The following EEA1 variants were observed in gnomAD, a reference collection of about 807,000 sequenced individuals.
The protein encoded by EEA1 is early endosome antigen 1, 162kD.
Under a neutral mutation model 209.2 loss-of-function variants are expected in EEA1, and 111 were observed. That is an observed-to-expected ratio of 0.53 (90% CI 0.45 to 0.62). EEA1 has a LOEUF of 0.62. Among genes scored for constraint, EEA1 ranks in the 20% least tolerant of loss-of-function variants. The probability of loss-of-function intolerance (pLI) is 0.00; values close to 1 mark genes in which losing one functional copy is unlikely to be tolerated. For missense variants in EEA1, 1,343 were observed against 1,530.8 expected, an observed-to-expected ratio of 0.88 and a Z score of 2.05; for synonymous variants, 536 against 540.6, an observed-to-expected ratio of 0.99 and a Z score of 0.12.
rs565984336 is a variant in EEA1 at position 92,887,917 on chromosome 12, AG to A, written c.117+3711del. Among the ~76,000 whole-genome samples the A allele has an allele frequency of 5.9e-3, 893 of 152,244 alleles. 8 individuals carry two copies. The highest frequency in any genetic ancestry group is 0.021 in the African/African-American group (853 of 41,538). ...ACTTCAAATACACATTGGTGTGTAC[AG>A]AAAGCCCAATGAGTCTCAAGCAGGA... On this transcript the variant is annotated intron_variant, in intron 2 of 28. Transcript: ENST00000322349.
intron 2 of EEA1, 73 bp downstream of exon 2, chr12:92,891,556 C>A (rs1447366386): frequency 1.3e-5 from 15 of 1,171,786 alleles, no homozygotes; most frequent in Non-Finnish European, 1.8e-5. Flanking sequence ...ATACAAATCA[C>A]CAATCGTTAC....
chr12:92,928,885 C>T lies in EEA1; in HGVS notation c.24+158G>A, dbSNP rs866796950. The stretch of plus-strand genomic sequence containing the variant: ...CCGCCGCGCCGGCCCCACCCGCCCT[C>T]CCCGCCCCCGGGCCGGGCGACCGAG... On this transcript the variant is annotated intron_variant, in intron 1 of 28. Transcript: ENST00000322349. 2.8e-4 allele frequency among the ~76,000 whole-genome samples: 42 copies of T among 150,942 alleles called. 1 individual carries two copies. Among genetic ancestry groups the T allele is most frequent in the Middle Eastern group, 3.4e-3 (1 of 292 alleles).
At chr12:92,842,440 T>C in intron 10 of EEA1, 25 bp downstream of exon 10, 3 of 1,118,610 alleles carry the variant, frequency 2.7e-6, no homozygotes, top group Non-Finnish European at 4.0e-6. Context: ...CAATTTGCTA[T>C]TATATATAGC....
At chr12:92,924,389 A>G (rs1441354259) in intron 1 of EEA1, among the ~76,000 whole-genome samples, 1 of 151,852 alleles carries the variant, frequency 6.6e-6, no homozygotes, top group Non-Finnish European at 1.5e-5. Flanking sequence ...TTCTATTTTT[A>G]GTAGAGACGG....
At chr12:92,839,447 C>G (rs1877071093) in intron 10 of EEA1, among the ~76,000 whole-genome samples, 1 of 152,180 alleles carries the variant, frequency 6.6e-6, no homozygotes, top group East Asian at 1.9e-4. Flanking sequence ...AATATTCCTT[C>G]CTTTTCCAAC....
intron 5 of EEA1, among the ~76,000 whole-genome samples, chr12:92,855,578 G>C (rs902076413): frequency 4.6e-5 from 7 of 151,100 alleles, no homozygotes; most frequent in Non-Finnish European, 7.4e-5. Context: ...CATGTATTAG[G>C]AACAAAATAA....
In EEA1 at chr12:92,816,861, G is replaced by T. The variant is rs189429257; in HGVS notation, c.1729-461C>A. On this transcript the variant is annotated intron_variant, in intron 14 of 28. Coordinates refer to ENST00000322349, the MANE Select transcript of EEA1 (RefSeq NM_003566.4). ...TATTCTGGGCATTTCTGAATTGTCA[G>T]ATACACATACTGCAAATGTTTTCTC... 4.8e-5 allele frequency among the ~76,000 whole-genome samples: 7 copies of T among 146,220 alleles called. No homozygotes were observed. The East Asian group carries it at 1.4e-3, about 28-fold the overall frequency.
intron 23 of EEA1, among the ~76,000 whole-genome samples, chr12:92,781,334 A>T (rs1490259159): frequency 6.6e-6 from 1 of 152,248 alleles, no homozygotes; most frequent in African/African-American, 2.4e-5. Flanking sequence ...TGAACCATTT[A>T]GAATTTACCA....
rs140302130 is a variant in EEA1 at position 92,835,400 on chromosome 12, CTTTTTTTTT to C, written c.916-2559_916-2551del. The stretch of plus-strand genomic sequence containing the variant: ...ATACACCCTTGAGATAGTTTCACTC[CTTTTTTTTT>C]TTTTTTTTTTTTTTTTTTTTGAGAT... On this transcript the variant is annotated intron_variant, in intron 10 of 28. Transcript: ENST00000322349. 2.1e-3 allele frequency: 317 copies of C among 154,262 alleles called. 1 individual carries two copies. The highest frequency in any genetic ancestry group is 3.4e-3 in the Non-Finnish European group (272 of 79,530). The allele number at this position is 154,262 out of a possible 1,614,324, so 9.6% of individuals were successfully genotyped here. A position where few individuals can be genotyped will look rare whatever the true frequency, so the allele number is the denominator to read the frequency against.
chr12:92,838,556 C>T lies in EEA1; in HGVS notation c.915+3909G>A, dbSNP rs189643149. Among the ~76,000 whole-genome samples, 20 of 152,196 alleles carry T rather than the reference C, an allele frequency of 1.3e-4. 1 individual carries two copies. Among genetic ancestry groups the T allele is most frequent in the South Asian group, 4.1e-4 (2 of 4,824 alleles). ...AGAGGTTTACTAGGGAAAAGCACAGCTATGAAAGATTATATTTTAAACATC... is the reference window on the plus strand; with the variant it reads ...AGAGGTTTACTAGGGAAAAGCACAGTTATGAAAGATTATATTTTAAACATC... On this transcript the variant is annotated intron_variant, in intron 10 of 28. Transcript: ENST00000322349.
At chr12:92,876,656 G>A (rs551655231) in intron 2 of EEA1, among the ~76,000 whole-genome samples, 6 of 152,116 alleles carry the variant, frequency 3.9e-5, no homozygotes, top group African/African-American at 1.2e-4. Flanking sequence ...TATAATAGCA[G>A]TCTGAACTTA....
chr12:92,792,606 C>T (rs1257864460), intron 21 of EEA1, among the ~76,000 whole-genome samples: 1 of 152,030 alleles, frequency 6.6e-6, no homozygotes, highest in African/African-American at 2.4e-5. Flanking sequence ...CTGAATAGAC[C>T]AATAACAGGA....
chr12:92,799,856 G>C (rs903310480), intron 20 of EEA1, among the ~76,000 whole-genome samples: 1 of 152,170 alleles, frequency 6.6e-6, no homozygotes, highest in South Asian at 2.1e-4. Context: ...TTGTCGCAAA[G>C]AATAGCTCTA....
intron 2 of EEA1, among the ~76,000 whole-genome samples, chr12:92,879,581 G>A (rs1879052958): frequency 6.6e-6 from 1 of 151,496 alleles, no homozygotes; most frequent in Non-Finnish European, 1.5e-5. Flanking sequence ...GGGAGGGAAG[G>A]GGAAAAGCTC....
At chr12:92,866,830 C>G (rs1878420346) in intron 2 of EEA1, among the ~76,000 whole-genome samples, 1 of 152,170 alleles carries the variant, frequency 6.6e-6, no homozygotes, top group Non-Finnish European at 1.5e-5. Flanking sequence ...CACCTTTCAC[C>G]TAAACTAGAA....
At chr12:92,912,135 A>G (rs986980707) in intron 1 of EEA1, among the ~76,000 whole-genome samples, 2 of 152,214 alleles carry the variant, frequency 1.3e-5, no homozygotes, top group Admixed American at 6.5e-5. Flanking sequence ...TCTTCTTTGA[A>G]TGTTCTTACT....
intron 1 of EEA1, among the ~76,000 whole-genome samples, chr12:92,923,626 CAT>C (rs968648495): frequency 8.5e-5 from 13 of 152,092 alleles, no homozygotes; most frequent in African/African-American, 2.7e-4. Flanking sequence ...CTCTCCACCA[CAT>C]AGTTACTTTT....
chr12:92,885,684 A>G (rs987248789), intron 2 of EEA1, among the ~76,000 whole-genome samples: 1 of 152,180 alleles, frequency 6.6e-6, no homozygotes, highest in African/African-American at 2.4e-5. Context: ...ACTAAGTGGA[A>G]GTGGATCATG....
chr12:92,920,280 G>A (rs1215740717), intron 1 of EEA1, among the ~76,000 whole-genome samples: 5 of 107,468 alleles, frequency 4.7e-5, no homozygotes, highest in Admixed American at 8.4e-5. Context: ...AAAAGAGCCC[G>A]CATCGCCAAG....
Sources: allele counts gnomAD v4.1 joint callset (sites outside exome capture counted in the v4.1 genomes callset), GRCh38; gene constraint gnomAD v4.1.1; transcripts MANE v1.5; gene names NCBI Gene and HGNC (gene_info 2026-07-23, HGNC 2026-07-21).